The following ADAMTS14 variants were observed in gnomAD, a reference collection of about 807,000 sequenced individuals.
The protein encoded by ADAMTS14 is A disintegrin and metalloproteinase with thrombospondin motifs 14.
A neutral mutation model predicts 128.6 loss-of-function variants in ADAMTS14; 100 were observed. The ratio of observed to expected loss-of-function variants is 0.78; its 90% CI spans 0.66 to 0.92. The LOEUF (loss-of-function observed/expected upper bound fraction) is 0.92. Ranked by LOEUF, ADAMTS14 falls within the 40% of genes least tolerant of loss-of-function variation. The probability of loss-of-function intolerance (pLI) is 0.00; values close to 1 mark genes in which losing one functional copy is unlikely to be tolerated. For synonymous variants in ADAMTS14, 665 were observed against 653.8 expected, an observed-to-expected ratio of 1.02 and a Z score of -0.26; for missense variants, 1,562 against 1,658.6, an observed-to-expected ratio of 0.94 and a Z score of 1.01.
Position 70,741,978 on chromosome 10 carries a change from T to G in ADAMTS14, c.1924+816T>G, listed in dbSNP as rs373864578. Among the ~76,000 whole-genome samples the G allele has an allele frequency of 3.9e-5, 6 of 152,286 alleles. No homozygotes were observed. In the East Asian group the frequency reaches 7.7e-4, roughly 20 times the overall value. On this transcript the variant is annotated intron_variant, in intron 12 of 21. Transcript: ENST00000373207. ...TGCTCATTCTCCATCACACAACTCT[T>G]GGCCCAGACAGCTCCCATCAGGACG...
At chr10:70,703,545 G>A (rs969868894) in intron 3 of ADAMTS14, among the ~76,000 whole-genome samples, 3 of 152,220 alleles carry the variant, frequency 2.0e-5, no homozygotes, top group Non-Finnish European at 4.4e-5. Flanking sequence ...CAGGGCTGGC[G>A]GGGCCTCTGA....
intron 4 of ADAMTS14, among the ~76,000 whole-genome samples, chr10:70,721,170 G>T (rs532975826): frequency 6.6e-6 from 1 of 151,068 alleles, no homozygotes; most frequent in Non-Finnish European, 1.5e-5. Flanking sequence ...TATTACAGGT[G>T]CATGTCACCA....
At chr10:70,755,984 A>G (rs1423539021) in intron 19 of ADAMTS14, among the ~76,000 whole-genome samples, 1 of 152,268 alleles carries the variant, frequency 6.6e-6, no homozygotes, top group Non-Finnish European at 1.5e-5. Context: ...ATGTTTATCT[A>G]TAGAAGATTG....
At chr10:70,754,720 G>T (rs1842439371) in intron 19 of ADAMTS14, among the ~76,000 whole-genome samples, 1 of 152,146 alleles carries the variant, frequency 6.6e-6, no homozygotes, top group Non-Finnish European at 1.5e-5. Context: ...TATATTCTAA[G>T]AGCAATGGGA....
chr10:70,699,643 T>C (rs925290706), intron 2 of ADAMTS14, among the ~76,000 whole-genome samples: 19 of 152,170 alleles, frequency 1.2e-4, no homozygotes, highest in African/African-American at 4.3e-4. Context: ...GTGGCTTCAT[T>C]CTGGAAACTG....
Position 70,760,601 on chromosome 10 carries a change from A to G in ADAMTS14, c.3420A>G (p.Ser1140=). ...AGCCTCCTGGAAAGCCAACGGGATC[A>G]GAGGACCATCAGCATGGCCGAGCCA... is the stretch of plus-strand genomic sequence containing the variant. ...AAEPPGKPTG[S]EDHQHGRATQ... is the part of the protein sequence containing the mutation. The change falls in exon 22 of 22, where the codon TCA becomes TCG. Residue 1140 remains serine, a synonymous_variant. Transcript: ENST00000373207. 6.2e-7 allele frequency: 1 copy of G among 1,614,090 alleles called. No individual in the cohort carries two copies. Among genetic ancestry groups the G allele is most frequent in the African/African-American group, 1.3e-5 (1 of 75,062 alleles).
intron 2 of ADAMTS14, among the ~76,000 whole-genome samples, chr10:70,681,287 T>C (rs569428063): frequency 5.3e-4 from 81 of 152,028 alleles, no homozygotes; most frequent in Non-Finnish European, 7.1e-4. Flanking sequence ...GTAGGGGACA[T>C]TTGGGCTGGG....
In ADAMTS14 at chr10:70,689,474, T is replaced by C. The variant is rs1840120841; in HGVS notation, c.523-12838T>C. ...AGCTGGGTGAAAGGGGCATTCCTAG[T>C]GGGGTGCACAGCAGGGGCGAAGGCG... On this transcript the variant is annotated intron_variant, in intron 2 of 21. Coordinates refer to ENST00000373207, the MANE Select transcript of ADAMTS14 (RefSeq NM_080722.4). Among the ~76,000 whole-genome samples the C allele has an allele frequency of 1.4e-5, 2 of 144,890 alleles. 1 individual carries two copies.
In ADAMTS14 at chr10:70,684,813, C is replaced by T. The variant is rs567606344; in HGVS notation, c.522+9818C>T. Among the ~76,000 whole-genome samples, 30 of 152,258 alleles carry T rather than the reference C, an allele frequency of 2.0e-4. 1 individual carries two copies. The East Asian group carries it at 3.7e-3, about 19-fold the overall frequency. ...TCCAGAGGCCCCCTCCTGTCTGGGCCGCTGTCTGTCTGAGCAGAGGCCCCG... is the reference window on the plus strand; with the variant it reads ...TCCAGAGGCCCCCTCCTGTCTGGGCTGCTGTCTGTCTGAGCAGAGGCCCCG... On this transcript the variant is annotated intron_variant, in intron 2 of 21. Transcript: ENST00000373207.
chr10:70,718,426 T>G (rs1841129646), intron 4 of ADAMTS14, among the ~76,000 whole-genome samples: 1 of 152,172 alleles, frequency 6.6e-6, no homozygotes, highest in African/African-American at 2.4e-5. Context: ...GTTTCACTGT[T>G]GCCCAGGCTG....
intron 2 of ADAMTS14, among the ~76,000 whole-genome samples, chr10:70,678,958 C>T (rs968384009): frequency 6.6e-6 from 1 of 151,944 alleles, no homozygotes; most frequent in South Asian, 2.1e-4. Context: ...TTACTTCCCA[C>T]CCACTGTTAT....
At chr10:70,731,517 A>G (rs933180437) in intron 6 of ADAMTS14, among the ~76,000 whole-genome samples, 6 of 152,172 alleles carry the variant, frequency 3.9e-5, no homozygotes, top group Non-Finnish European at 5.9e-5. Flanking sequence ...CCTAGGACAC[A>G]GGCCTCATGC....
At chr10:70,727,994 G>A (rs950297005) in intron 4 of ADAMTS14, among the ~76,000 whole-genome samples, 25 of 152,108 alleles carry the variant, frequency 1.6e-4, no homozygotes, top group Admixed American at 4.6e-4. Context: ...TACTCAGGAG[G>A]CTGAGGCAGA....
chr10:70,735,232 T>C lies in ADAMTS14; in HGVS notation c.1416T>C (p.Pro472=), dbSNP rs1029575652. 6.2e-7 allele frequency: 1 copy of C among 1,613,916 alleles called. No homozygotes were observed. The highest frequency in any genetic ancestry group is 8.5e-7 in the Non-Finnish European group (1 of 1,179,982). The stretch of plus-strand genomic sequence containing the variant: ...CCTGGCCCCAGCCCCCAGAGCTGCC[T>C]GGGATCAACTACTCAATGGATGAGC... ...DPAWPQPPEL[P]GINYSMDEQC... is the part of the protein sequence containing the mutation. Residue 472 remains proline, a synonymous_variant, in exon 9 of 22, where the codon CCT becomes CCC. Transcript: ENST00000373207.
intron 2 of ADAMTS14, among the ~76,000 whole-genome samples, chr10:70,685,266 C>T (rs1839922234): frequency 6.6e-6 from 1 of 152,192 alleles, no homozygotes; most frequent in African/African-American, 2.4e-5. Flanking sequence ...CCAAACCATC[C>T]ACCAGGCCCA....
At chr10:70,750,333 G>T (rs989930303) in intron 16 of ADAMTS14, among the ~76,000 whole-genome samples, 8 of 152,158 alleles carry the variant, frequency 5.3e-5, no homozygotes, top group African/African-American at 1.7e-4. Flanking sequence ...TAGCATGGCT[G>T]GCAAGGGAGT....
At chr10:70,739,016 A>C in intron 11 of ADAMTS14, 26 bp downstream of exon 11, 7 of 1,269,180 alleles carry the variant, frequency 5.5e-6, no homozygotes, top group Non-Finnish European at 7.6e-6. Context: ...TAGGGTGGGG[A>C]GGGCAGGGAG....
In ADAMTS14 at chr10:70,751,629, G is replaced by A; in HGVS notation, c.2579G>A (p.Ser860Asn). 1 of 1,610,386 alleles carries A rather than the reference G, an allele frequency of 6.2e-7. No individual in the cohort carries two copies. The highest frequency in any genetic ancestry group is 8.5e-7 in the Non-Finnish European group (1 of 1,176,962). Residue 860 changes from serine to asparagine, a missense_variant, in exon 17 of 22, where the codon AGC becomes AAC. Physicochemically the swap from Ser to Asn is conservative, Grantham distance 46. Transcript: ENST00000373207. ...GCGCTCAAGAGCTGGGCCCCCTGCA[G>A]CAAGGCCTGTGGAGGAGGTACCGGT... The part of the protein sequence containing the change: ...EWALKSWAPC[S>N]KACGGGIQFT...
chr10:70,747,754 T>G (rs551912601), intron 15 of ADAMTS14, among the ~76,000 whole-genome samples: 1 of 152,150 alleles, frequency 6.6e-6, no homozygotes, highest in African/African-American at 2.4e-5. Flanking sequence ...GGGAGCCTGG[T>G]GGGGAGAGCG....
Sources: gnomAD v4.1 joint callset for allele counts (sites outside exome capture counted in the v4.1 genomes callset) on GRCh38, gnomAD v4.1.1 for gene constraint, MANE v1.5 for transcripts, NCBI Gene and HGNC (gene_info 2026-07-23, HGNC 2026-07-21) for gene names.